HIVEP3: variants seen among roughly 807,000 people sequenced by gnomAD.
HIVEP3 encodes the protein HIVEP zinc finger 3, also known as transcription factor HIVEP3.
HIVEP3 carries 49 observed loss-of-function variants against 152.8 expected under a neutral mutation model. The observed-to-expected ratio is 0.32, with a 90% confidence interval of 0.26 to 0.41. HIVEP3 has a LOEUF of 0.41. Ranked by LOEUF, HIVEP3 falls within the 10% of genes least tolerant of loss-of-function variation. The probability of loss-of-function intolerance (pLI) is 1.00; values close to 1 mark genes in which losing one functional copy is unlikely to be tolerated. For synonymous variants in HIVEP3, 1,269 were observed against 1,289.0 expected (o/e 0.98, Z 0.33); for missense variants, 2,790 against 3,103.3 (o/e 0.90, Z 2.40).
chr1:41,754,125 G>C (rs1647218071), intron 1 of HIVEP3, among the ~76,000 whole-genome samples: 1 of 152,164 alleles, frequency 6.6e-6, no homozygotes, highest in African/African-American at 2.4e-5. Context: ...TGGGTCTGAG[G>C]AACAGCAAAG....
chr1:41,512,729 C>A, intron 8 of HIVEP3, 87 bp downstream of exon 8: 1 of 1,087,216 alleles, frequency 9.2e-7, no homozygotes, highest in Non-Finnish European at 1.3e-6. Flanking sequence ...CTGTTTAGTT[C>A]CAGGTGTGAT....
intron 1 of HIVEP3, among the ~76,000 whole-genome samples, chr1:41,817,368 C>T (rs1039885112): frequency 1.3e-5 from 2 of 152,074 alleles, no homozygotes; most frequent in Non-Finnish European, 2.9e-5. Context: ...GCAATGAAAC[C>T]TGACACAGCA....
chr1:41,537,481 G>A (rs946765226), intron 5 of HIVEP3, among the ~76,000 whole-genome samples: 3 of 152,166 alleles, frequency 2.0e-5, no homozygotes, highest in Non-Finnish European at 2.9e-5. Flanking sequence ...AGTTCCCAGA[G>A]GTCTGGTACC....
chr1:41,585,475 G>C (rs990830758), intron 3 of HIVEP3, among the ~76,000 whole-genome samples, 157 bp from the exon 4 acceptor site: 1 of 152,172 alleles, frequency 6.6e-6, no homozygotes, highest in Middle Eastern at 3.4e-3. Flanking sequence ...AGAACCACAG[G>C]CTCCGGCTCC....
chr1:41,766,842 C>A (rs1011707390), intron 1 of HIVEP3, among the ~76,000 whole-genome samples: 3 of 152,236 alleles, frequency 2.0e-5, no homozygotes, highest in Non-Finnish European at 4.4e-5. Flanking sequence ...GAAGCCATGT[C>A]AAGAATGAAC....
At chr1:41,653,953 CAAAAAAAAAAAAAAAAAA>C (rs55707109) in intron 2 of HIVEP3, among the ~76,000 whole-genome samples, 10 of 46,194 alleles carry the variant, frequency 2.2e-4, no homozygotes, top group East Asian at 8.5e-4. Context: ...TTTTCTACTG[CAAAAAAAAAAAAAAAAAA>C]AAAAAAAAAA....
At chr1:41,851,774 A>G (rs373326555) in intron 1 of HIVEP3, among the ~76,000 whole-genome samples, 6 of 152,238 alleles carry the variant, frequency 3.9e-5, no homozygotes, top group African/African-American at 1.2e-4. Flanking sequence ...AGGAAGTTGC[A>G]GGGATTGGGG....
intron 1 of HIVEP3, among the ~76,000 whole-genome samples, chr1:41,806,503 C>T (rs1187635841): frequency 6.6e-6 from 1 of 152,252 alleles, no homozygotes; most frequent in Admixed American, 6.5e-5. Context: ...CTCCATAAGC[C>T]TCCATTTCTT....
At chr1:41,593,907 TTC>T (rs1644625817) in intron 3 of HIVEP3, among the ~76,000 whole-genome samples, 1 of 152,170 alleles carries the variant, frequency 6.6e-6, no homozygotes, top group Admixed American at 6.5e-5. Flanking sequence ...CTTTCCCAAC[TTC>T]TAGAGGGTAC....
intron 1 of HIVEP3, among the ~76,000 whole-genome samples, chr1:41,976,796 C>T (rs1234354068): frequency 1.3e-5 from 2 of 152,092 alleles, no homozygotes; most frequent in East Asian, 1.9e-4. Context: ...TCAGGGAGGA[C>T]GCCATGTTAT....
chr1:41,954,897 G>A (rs940723977), intron 1 of HIVEP3, among the ~76,000 whole-genome samples: 3 of 151,958 alleles, frequency 2.0e-5, no homozygotes, highest in African/African-American at 7.3e-5. Flanking sequence ...AGCTTGGGAC[G>A]TGAGTCACAC....
At chr1:41,612,526 C>G in intron 3 of HIVEP3, among the ~76,000 whole-genome samples, 2 of 152,274 alleles carry the variant, frequency 1.3e-5, no homozygotes, top group South Asian at 4.1e-4. Context: ...CTTATCACTT[C>G]GTTTTGCAGA....
intron 1 of HIVEP3, among the ~76,000 whole-genome samples, chr1:41,749,358 T>C (rs1647121123): frequency 6.6e-6 from 1 of 151,520 alleles, no homozygotes; most frequent in Non-Finnish European, 1.5e-5. Flanking sequence ...GAGGGTTTCT[T>C]CCAGGATTCA....
At chr1:41,733,949 C>T (rs899904648) in intron 1 of HIVEP3, among the ~76,000 whole-genome samples, 17 of 152,232 alleles carry the variant, frequency 1.1e-4, no homozygotes, top group Middle Eastern at 6.8e-3. Context: ...TCACACTCCC[C>T]GCCCTCTCCC....
In HIVEP3 at chr1:41,966,628, C is replaced by T. The variant is rs578176878; in HGVS notation, n.120-48104G>A. 2.6e-5 allele frequency among the ~76,000 whole-genome samples: 4 copies of T among 151,024 alleles called. No homozygotes were observed. In the East Asian group the frequency reaches 5.9e-4, roughly 22 times the overall value. ...AGCTGGGACTATAGGTGCCCATCACCGTGCCCAGCTAATTTTTTTTTTTTT... is the reference window on the plus strand; with the variant it reads ...AGCTGGGACTATAGGTGCCCATCACTGTGCCCAGCTAATTTTTTTTTTTTT... On this transcript the variant is annotated intron_variant and non_coding_transcript_variant, in intron 1 of 3. Transcript: ENST00000489103.
In HIVEP3 at chr1:41,584,414, T is replaced by A; in HGVS notation, c.384A>T (p.Gly128=). The A allele has an allele frequency of 6.2e-7, 1 of 1,613,928 alleles. No homozygotes were observed. The highest frequency in any genetic ancestry group is 8.5e-7 in the Non-Finnish European group (1 of 1,179,954). ...CAGGGGCCACGAAGGAGCCAGAGGG[T>A]CCAGGTCTCATGGGGTCAACCAGTT... The part of the protein sequence containing the change: ...TWQLVDPMRP[G]PSGSFVAPGL... Residue 128 remains glycine (G), a synonymous_variant, in exon 4 of 9, where the codon GGA becomes GGT. Coordinates refer to ENST00000372583, the MANE Select transcript of HIVEP3 (RefSeq NM_024503.5). The surrounding 1 kb of genome is among the most constrained non-coding windows in gnomAD (Gnocchi z 5.2).
intron 1 of HIVEP3, among the ~76,000 whole-genome samples, chr1:41,862,844 G>C (rs1643904573): frequency 6.6e-6 from 1 of 152,238 alleles, no homozygotes; most frequent in Non-Finnish European, 1.5e-5. Flanking sequence ...TACTGACGTA[G>C]AGACAAGTTT....
intron 1 of HIVEP3, among the ~76,000 whole-genome samples, chr1:41,935,873 A>G (rs928400398): frequency 3.9e-4 from 59 of 151,922 alleles, no homozygotes; most frequent in Non-Finnish European, 7.7e-4. Context: ...ATCATCTTAG[A>G]TACCTGGAGC....
chr1:41,640,606 G>A (rs990969441), intron 2 of HIVEP3, among the ~76,000 whole-genome samples: 2 of 152,216 alleles, frequency 1.3e-5, no homozygotes, highest in African/African-American at 4.8e-5. Context: ...AAGAAAATCA[G>A]TGGTTCTGGC....
Sources: gnomAD v4.1 joint callset for allele counts (sites outside exome capture counted in the v4.1 genomes callset) on GRCh38, gnomAD v4.1.1 for gene constraint, Gnocchi (gnomAD v3.1) non-coding constraint, MANE v1.5 for transcripts, NCBI Gene and HGNC (gene_info 2026-07-23, HGNC 2026-07-21) for gene names.